The following SESN3 variants were observed in gnomAD, a reference collection of about 807,000 sequenced individuals.
SESN3 encodes sestrin-3.
A neutral mutation model predicts 55.3 loss-of-function variants in SESN3; 21 were observed. That is an observed-to-expected ratio of 0.38 (90% CI 0.27 to 0.55). The LOEUF (loss-of-function observed/expected upper bound fraction) is 0.55, where lower values mean the gene tolerates loss of function less well. Ranked by LOEUF, SESN3 falls within the 20% of genes least tolerant of loss-of-function variation. The pLI is 0.76. For missense variants in SESN3, 408 were observed against 604.3 expected (o/e 0.68, Z 3.41); for synonymous variants, 181 against 203.1 (o/e 0.89, Z 0.93).
intron 8 of SESN3, among the ~76,000 whole-genome samples, chr11:95,176,985 C>A (rs1859969210): frequency 1.3e-5 from 2 of 152,070 alleles, no homozygotes; most frequent in Non-Finnish European, 2.9e-5. Flanking sequence ...ATAGAAAATA[C>A]TTTGCTTAAC....
chr11:95,190,527 C>G (rs1365334985), intron 3 of SESN3, among the ~76,000 whole-genome samples: 1 of 151,880 alleles, frequency 6.6e-6, no homozygotes, highest in Non-Finnish European at 1.5e-5. Flanking sequence ...TTATTTTATT[C>G]TTTCTATTCT....
chr11:95,181,762 A>T (rs1402967777), intron 6 of SESN3, among the ~76,000 whole-genome samples: 1 of 152,112 alleles, frequency 6.6e-6, no homozygotes, highest in Non-Finnish European at 1.5e-5. Flanking sequence ...GGAATACTTT[A>T]TAACGCTGGT....
intron 4 of SESN3, 78 bp from the exon 5 acceptor site, chr11:95,185,570 T>C (rs1860147455): frequency 3.5e-6 from 3 of 863,076 alleles, no homozygotes; most frequent in Non-Finnish European, 5.8e-6. Flanking sequence ...AATCTACCAA[T>C]TTTCATATAT....
At chr11:95,195,286 G>C (rs1860340652) in intron 1 of SESN3, among the ~76,000 whole-genome samples, 1 of 151,898 alleles carries the variant, frequency 6.6e-6, no homozygotes, top group Admixed American at 6.6e-5. Flanking sequence ...ATATTTTCTG[G>C]AACAGGTGAG....
chr11:95,227,580 A>G (rs540963194), intron 1 of SESN3, among the ~76,000 whole-genome samples: 82 of 152,336 alleles, frequency 5.4e-4, no homozygotes, highest in African/African-American at 1.9e-3. Flanking sequence ...ATATGATCAT[A>G]TAACAAAGTG....
chr11:95,210,667 C>G (rs1490368823), intron 1 of SESN3, among the ~76,000 whole-genome samples: 1 of 152,176 alleles, frequency 6.6e-6, no homozygotes, highest in Non-Finnish European at 1.5e-5. Flanking sequence ...GAGCATTTTG[C>G]ATTCTACCAC....
At chr11:95,187,124 C>T (rs1565465742) in intron 4 of SESN3, among the ~76,000 whole-genome samples, 1 of 151,870 alleles carries the variant, frequency 6.6e-6, no homozygotes, top group Non-Finnish European at 1.5e-5. Context: ...AACTACTTCT[C>T]CTTTCCTATA....
At chr11:95,203,405 C>G (rs1462993640) in intron 1 of SESN3, among the ~76,000 whole-genome samples, 2 of 152,054 alleles carry the variant, frequency 1.3e-5, no homozygotes, top group African/African-American at 4.8e-5. Context: ...GAGAAAGTAC[C>G]TTTCACACAG....
intron 5 of SESN3, among the ~76,000 whole-genome samples, chr11:95,185,000 T>TAACA (rs965392498): frequency 6.6e-6 from 1 of 152,078 alleles, no homozygotes; most frequent in African/African-American, 2.4e-5. Context: ...CCAAAGGGTC[T>TAACA]AACATTAAAA....
In SESN3 at chr11:95,177,872, T is replaced by C; in HGVS notation, c.1094A>G (p.Asn365Ser). Residue 365 changes from asparagine to serine, a missense_variant, in exon 8 of 10, where the codon AAC becomes AGC. Transcript: ENST00000536441. ...TWENHGFSLV[N>S]RLYSDIGHLL... is the part of the protein sequence containing the mutation. ...ATGTCCAATGTCAGAATAAAGTCTGTTCACCAGGGAGAACCCATGATTTTC... is the reference window on the plus strand; with the variant it reads ...ATGTCCAATGTCAGAATAAAGTCTGCTCACCAGGGAGAACCCATGATTTTC... 1 of 1,600,402 alleles carries C rather than the reference T, an allele frequency of 6.2e-7. No individual in the cohort carries two copies. The highest frequency in any genetic ancestry group is 8.5e-7 in the Non-Finnish European group (1 of 1,175,344).
chr11:95,184,140 C>A (rs1264875608), intron 6 of SESN3: 1 of 417,622 alleles, frequency 2.4e-6, no homozygotes, highest in African/African-American at 2.1e-5. Flanking sequence ...TTAAATATGT[C>A]TATCTAACTT....
intron 1 of SESN3, among the ~76,000 whole-genome samples, chr11:95,199,848 A>G (rs889708827): frequency 6.6e-6 from 1 of 152,038 alleles, no homozygotes. Context: ...ATACTTAAGG[A>G]TCTTTTTTTT....
At chr11:95,208,028 AAAG>A (rs1173554305) in intron 1 of SESN3, among the ~76,000 whole-genome samples, 1 of 144,228 alleles carries the variant, frequency 6.9e-6, no homozygotes, top group Non-Finnish European at 1.5e-5. Flanking sequence ...ACTCTAAAAA[AAAG>A]AAATAATAAT....
Position 95,184,687 on chromosome 11 carries a change from C to A in SESN3, c.763-93G>T, listed in dbSNP as rs112966976. The A allele has an allele frequency of 1.0e-5, 12 of 1,146,774 alleles. No homozygotes were observed. The African/African-American group carries it at 1.1e-4, about 10-fold the overall frequency. The allele number at this position is 1,146,774 out of a possible 1,614,324, so 71.0% of individuals were successfully genotyped here. A position where few individuals can be genotyped will look rare whatever the true frequency, so the allele number is the denominator to read the frequency against. On this transcript the variant is annotated intron_variant, in intron 5 of 9. Transcript: ENST00000536441. ...CCAAATGTCACCTTACTATGTACAG[C>A]GGAACAGGCACAGTTATGAAGTTCT...
At chr11:95,209,095 C>G (rs570044202) in intron 1 of SESN3, among the ~76,000 whole-genome samples, 14 of 151,580 alleles carry the variant, frequency 9.2e-5, no homozygotes, top group Non-Finnish European at 1.9e-4. Flanking sequence ...TAAAGAGCTT[C>G]TGCACAGCAA....
chr11:95,208,713 A>G lies in SESN3; in HGVS notation c.79-15191T>C, dbSNP rs188287824. On this transcript the variant is annotated intron_variant, in intron 1 of 9. Coordinates refer to ENST00000536441, the MANE Select transcript of SESN3 (RefSeq NM_144665.4). ...ACAAAAACAGCATGGCACTGGTACT[A>G]AAACAGATATATAGACCAATGGAAC... is the stretch of plus-strand genomic sequence containing the variant. 5.3e-5 allele frequency among the ~76,000 whole-genome samples: 8 copies of G among 151,682 alleles called. 1 individual carries two copies. The East Asian group carries it at 1.5e-3, about 29-fold the overall frequency.
rs1591036400 is a variant in SESN3 at position 95,165,835 on chromosome 11, A to C, written c.*7420T>G. Reference sequence around the variant, plus strand: ...AGAGTCATTAAAGCACTAGAATATTACACATAAACTGATCCATTTAGGTCA... The same window carrying C: ...AGAGTCATTAAAGCACTAGAATATTCCACATAAACTGATCCATTTAGGTCA... On this transcript the variant is annotated 3_prime_UTR_variant, in exon 10 of 10. Transcript: ENST00000536441. The C allele has an allele frequency of 2.0e-5, 3 of 152,334 alleles. No individual in the cohort carries two copies. In the Middle Eastern group the frequency reaches 0.01, roughly 518 times the overall value. 9.4% of individuals were successfully genotyped at this position (152,334 alleles called of 1,614,324 possible). A position where few individuals can be genotyped will look rare whatever the true frequency, so the allele number is the denominator to read the frequency against.
chr11:95,220,616 C>T (rs1416337048), intron 1 of SESN3, among the ~76,000 whole-genome samples: 1 of 152,108 alleles, frequency 6.6e-6, no homozygotes, highest in Non-Finnish European at 1.5e-5. Flanking sequence ...AGATACAATA[C>T]AAATGAATTT....
Position 95,177,775 on chromosome 11 carries a change from G to A in SESN3, c.1191C>T (p.Asp397=). 1.9e-6 allele frequency: 3 copies of A among 1,612,582 alleles called. No individual in the cohort carries two copies. Among genetic ancestry groups the A allele is most frequent in the Non-Finnish European group, 2.5e-6 (3 of 1,179,462 alleles). The change falls in exon 8 of 10, where the codon GAC becomes GAT. Residue 397 remains aspartate, a synonymous_variant. Transcript: ENST00000536441. The stretch of plus-strand genomic sequence containing the variant: ...ATAAAGCTCTGCGCAGCATGGTTGT[G>A]TCAACATCCTCATGGGTGGCCATAG... The part of the protein sequence containing the change: ...YNTMATHEDV[D]TTMLRRALFN...
Sources: allele counts gnomAD v4.1 joint callset (sites outside exome capture counted in the v4.1 genomes callset), GRCh38; gene constraint gnomAD v4.1.1; transcripts MANE v1.5; gene names NCBI Gene and HGNC (gene_info 2026-07-23, HGNC 2026-07-21).